The following COMMD1 variants were observed in gnomAD, a reference collection of about 807,000 sequenced individuals.
COMMD1 encodes the protein COMM domain-containing protein 1.
In COMMD1, 10 loss-of-function variants were observed where a neutral mutation model predicts 17.2. That is an observed-to-expected ratio of 0.58 (90% confidence interval 0.36 to 0.99). COMMD1 has a LOEUF of 0.99. COMMD1 is among the 50% of genes least tolerant of loss of function. The probability of loss-of-function intolerance (pLI) is 0.01; values close to 1 mark genes in which losing one functional copy is unlikely to be tolerated. For missense variants in COMMD1, 270 were observed against 231.8 expected (o/e 1.17, Z -1.07); for synonymous variants, 97 against 91.6 (o/e 1.06, Z -0.34).
At chr2:61,939,391 A>G (rs1048022468) in intron 1 of COMMD1, among the ~76,000 whole-genome samples, 1 of 151,736 alleles carries the variant, frequency 6.6e-6, no homozygotes, top group Non-Finnish European at 1.5e-5. Context: ...GTGTGAACCC[A>G]GGAGGTGGAG....
At chr2:62,063,319 G>A (rs1320145237) in intron 2 of COMMD1, among the ~76,000 whole-genome samples, 1 of 152,120 alleles carries the variant, frequency 6.6e-6, no homozygotes, top group Non-Finnish European at 1.5e-5. Context: ...GATCACTTGA[G>A]TCCAGGAAGT....
At chr2:61,953,941 C>T (rs1328441782) in intron 1 of COMMD1, among the ~76,000 whole-genome samples, 3 of 151,842 alleles carry the variant, frequency 2.0e-5, no homozygotes, top group South Asian at 2.1e-4. Flanking sequence ...CTATTCAGGC[C>T]GGGTGCGGTG....
intron 2 of COMMD1, among the ~76,000 whole-genome samples, chr2:62,040,482 T>C (rs1206163453): frequency 6.6e-6 from 1 of 152,172 alleles, no homozygotes; most frequent in Non-Finnish European, 1.5e-5. Context: ...AAACAATTTA[T>C]GTGAAGTGAA....
chr2:62,133,932 C>T (rs1040262115), intron 2 of COMMD1, among the ~76,000 whole-genome samples: 3 of 152,126 alleles, frequency 2.0e-5, no homozygotes, highest in Non-Finnish European at 2.9e-5. Context: ...GCTAGGACTA[C>T]AGGTGCGCAC....
At chr2:61,965,930 A>G (rs1437496656) in intron 1 of COMMD1, among the ~76,000 whole-genome samples, 2 of 152,258 alleles carry the variant, frequency 1.3e-5, no homozygotes, top group Non-Finnish European at 2.9e-5. Flanking sequence ...AGTTGATTCT[A>G]TAAAGCTGCC....
chr2:61,960,774 C>A (rs1671320586), intron 1 of COMMD1, among the ~76,000 whole-genome samples: 1 of 152,204 alleles, frequency 6.6e-6, no homozygotes, highest in African/African-American at 2.4e-5. Context: ...CCTCCCGTGC[C>A]TTTCCCTTCT....
At chr2:62,118,512 C>G (rs1014611670) in intron 2 of COMMD1, among the ~76,000 whole-genome samples, 3 of 152,202 alleles carry the variant, frequency 2.0e-5, no homozygotes, top group Non-Finnish European at 4.4e-5. Context: ...TGACTGCAAT[C>G]CTTTCTCCTA....
chr2:62,010,946 G>C (rs1669260374), intron 2 of COMMD1, among the ~76,000 whole-genome samples: 2 of 152,150 alleles, frequency 1.3e-5, no homozygotes, highest in African/African-American at 4.8e-5. Flanking sequence ...GTGGCTTTCT[G>C]TGTCAGTCAG....
intron 1 of COMMD1, among the ~76,000 whole-genome samples, chr2:61,966,144 A>G (rs1032944084): frequency 1.3e-5 from 2 of 152,204 alleles, no homozygotes; most frequent in Admixed American, 6.5e-5. Flanking sequence ...ACCAGAGTCC[A>G]CACCAAATCT....
chr2:61,987,848 C>G (rs1672145321), intron 1 of COMMD1, among the ~76,000 whole-genome samples: 1 of 152,128 alleles, frequency 6.6e-6, no homozygotes, highest in Admixed American at 6.6e-5. Context: ...CTACCTGGTC[C>G]TCTGTTCTGC....
At chr2:61,990,715 C>T (rs1004721905) in intron 1 of COMMD1, among the ~76,000 whole-genome samples, 1 of 151,992 alleles carries the variant, frequency 6.6e-6, no homozygotes, top group Non-Finnish European at 1.5e-5. Flanking sequence ...TTAAAACCAT[C>T]AAATCTTGTG....
chr2:61,959,175 A>G (rs1171015317), intron 1 of COMMD1, among the ~76,000 whole-genome samples: 1 of 152,138 alleles, frequency 6.6e-6, no homozygotes, highest in Non-Finnish European at 1.5e-5. Flanking sequence ...TTATTTGTAC[A>G]TTCTCTCATG....
intron 2 of COMMD1, among the ~76,000 whole-genome samples, chr2:62,072,929 A>G (rs1189601522): frequency 1.3e-5 from 2 of 152,142 alleles, no homozygotes; most frequent in African/African-American, 2.4e-5. Context: ...TTGCCACTCC[A>G]TGTCTGGCTT....
At chr2:61,917,591 G>T (rs1275099458) in intron 1 of COMMD1, among the ~76,000 whole-genome samples, 1 of 151,798 alleles carries the variant, frequency 6.6e-6, no homozygotes, top group Non-Finnish European at 1.5e-5. Context: ...GCAGTGCCGT[G>T]ATCTCGGCTC....
chr2:62,070,810 A>G (rs10179252), intron 2 of COMMD1, among the ~76,000 whole-genome samples: 48 of 152,316 alleles, frequency 3.2e-4, no homozygotes, highest in African/African-American at 1.1e-3. Flanking sequence ...CGTGCAGATC[A>G]GTTGAGGTCA....
chr2:61,968,245 A>G (rs751192983), intron 1 of COMMD1, among the ~76,000 whole-genome samples: 5 of 152,184 alleles, frequency 3.3e-5, no homozygotes, highest in African/African-American at 7.2e-5. Context: ...AGTAAGGTTG[A>G]ACCATTTGAA....
At chr2:62,086,626 A>G (rs1406228470) in intron 2 of COMMD1, among the ~76,000 whole-genome samples, 1 of 152,136 alleles carries the variant, frequency 6.6e-6, no homozygotes, top group African/African-American at 2.4e-5. Context: ...CATCAAAAAT[A>G]TTTAAGACTT....
intron 1 of COMMD1, among the ~76,000 whole-genome samples, chr2:61,931,062 C>T (rs1012684110): frequency 2.0e-5 from 3 of 151,882 alleles, no homozygotes; most frequent in African/African-American, 7.3e-5. Flanking sequence ...CTGTAATCCT[C>T]GCACTTTGGG....
intron 1 of COMMD1, among the ~76,000 whole-genome samples, chr2:61,984,405 T>A (rs1318127192): frequency 3.9e-5 from 6 of 152,258 alleles, no homozygotes; most frequent in Admixed American, 3.9e-4. Context: ...TAATGGTCAT[T>A]ACAGTACCGT....
Sources: gnomAD v4.1 joint callset for allele counts (sites outside exome capture counted in the v4.1 genomes callset) on GRCh38, gnomAD v4.1.1 for gene constraint, MANE v1.5 for transcripts, NCBI Gene and HGNC (gene_info 2026-07-23, HGNC 2026-07-21) for gene names.